PRICKLE2: variants seen among roughly 807,000 people sequenced by gnomAD.
The protein encoded by PRICKLE2 is prickle-like protein 2.
Under a neutral mutation model 81.4 loss-of-function variants are expected in PRICKLE2, and 21 were observed. That is an observed-to-expected ratio of 0.26 (90% CI 0.18 to 0.37). The LOEUF (loss-of-function observed/expected upper bound fraction) is 0.37. Ranked by LOEUF, PRICKLE2 falls within the 10% of genes least tolerant of loss-of-function variation. The probability of loss-of-function intolerance (pLI) is 1.00; values close to 1 mark genes in which losing one functional copy is unlikely to be tolerated. For synonymous variants in PRICKLE2, 456 were observed against 421.5 expected (o/e 1.08, Z -1.00); for missense variants, 940 against 1,109.0 (o/e 0.85, Z 2.16).
chr3:64,094,345 T>C lies in PRICKLE2; in HGVS notation c.*4706A>G, dbSNP rs1000218064. The C allele has an allele frequency of 2.6e-5, 4 of 152,176 alleles. No homozygotes were observed. Among genetic ancestry groups the C allele is most frequent in the African/African-American group, 9.7e-5 (4 of 41,446 alleles). 9.4% of individuals were successfully genotyped at this position (152,176 alleles called of 1,614,324 possible). On this transcript the variant is annotated 3_prime_UTR_variant, in exon 8 of 8. Coordinates refer to ENST00000638394, the MANE Select transcript of PRICKLE2 (RefSeq NM_198859.4). ...GGTAAGTAACTCTCTCTGAAAAATT[T>C]AGAAAAGCTTGGTCAGTGACCTGTT...
At chr3:64,156,942 C>G (rs749547206) in intron 5 of PRICKLE2, among the ~76,000 whole-genome samples, 5 of 152,180 alleles carry the variant, frequency 3.3e-5, no homozygotes, top group Non-Finnish European at 7.3e-5. Flanking sequence ...AACTGCCTTC[C>G]CAACAGGAAG....
At chr3:64,191,294 G>A (rs1284532254) in intron 2 of PRICKLE2, among the ~76,000 whole-genome samples, 2 of 152,196 alleles carry the variant, frequency 1.3e-5, no homozygotes, top group Non-Finnish European at 2.9e-5. Context: ...CAGGGCAATA[G>A]TAATTAGTTA....
At chr3:64,178,189 C>A (rs185531621) in intron 2 of PRICKLE2, among the ~76,000 whole-genome samples, 1 of 152,104 alleles carries the variant, frequency 6.6e-6, no homozygotes. Flanking sequence ...ATCAGCCGAC[C>A]GTATATTGTC....
chr3:64,153,378 G>T lies in PRICKLE2; in HGVS notation c.601-10C>A, dbSNP rs756949758. ...CATCTGCAAAGATGATCTGGAGATG[G>T]GGAAGCCAAATGGTCAGTGTGTAAA... On this transcript the variant is annotated splice_polypyrimidine_tract_variant and intron_variant, in intron 5 of 7. Coordinates refer to ENST00000638394, the MANE Select transcript of PRICKLE2 (RefSeq NM_198859.4). 36 of 1,613,600 alleles carry T rather than the reference G, an allele frequency of 2.2e-5. No individual in the cohort carries two copies. The highest frequency in any genetic ancestry group is 3.1e-5 in the Non-Finnish European group (36 of 1,179,996).
intron 7 of PRICKLE2, among the ~76,000 whole-genome samples, chr3:64,145,096 A>C (rs2077424000): frequency 8.2e-6 from 1 of 121,556 alleles, no homozygotes; most frequent in African/African-American, 3.3e-5. Flanking sequence ...AATAATATTA[A>C]ATTTTTTTTT....
At chr3:64,229,923 C>T (rs951227761), upstream of PRICKLE2, among the ~76,000 whole-genome samples, 5 of 152,178 alleles carry the variant, frequency 3.3e-5, no homozygotes, top group African/African-American at 1.2e-4. Flanking sequence ...TGGCTTAACA[C>T]AAGAAAGTTT....
At chr3:64,118,605 C>T (rs2076976944) in intron 7 of PRICKLE2, among the ~76,000 whole-genome samples, 1 of 152,154 alleles carries the variant, frequency 6.6e-6, no homozygotes, top group Non-Finnish European at 1.5e-5. Context: ...AACTCAACAT[C>T]ACTGATAATT....
chr3:64,227,445 T>A (rs1172026858), upstream of PRICKLE2, among the ~76,000 whole-genome samples: 5 of 152,152 alleles, frequency 3.3e-5, no homozygotes, highest in African/African-American at 1.2e-4. Flanking sequence ...TCTCATCTAC[T>A]CATGATCAGC....
intron 2 of PRICKLE2, among the ~76,000 whole-genome samples, chr3:64,198,460 A>G (rs696015): frequency 0.92 from 139,424 of 151,974 alleles, 64,160 homozygotes; most frequent in South Asian, 0.97. Flanking sequence ...TGGGGCTGGT[A>G]GAGGAGAAAA....
intron 2 of PRICKLE2, among the ~76,000 whole-genome samples, chr3:64,187,191 T>C (rs1423088497): frequency 2.6e-5 from 4 of 152,248 alleles, no homozygotes; most frequent in Non-Finnish European, 5.9e-5. Context: ...ACCCAGGTTC[T>C]AGTCCCAACT....
chr3:64,234,505 CA>C (rs2079152855), intron 2 of PRICKLE2, among the ~76,000 whole-genome samples: 2 of 152,088 alleles, frequency 1.3e-5, no homozygotes, highest in African/African-American at 4.8e-5. Flanking sequence ...TAAAATTGGG[CA>C]CACGTGTTAA....
At chr3:64,258,853 G>GAAAGAAAGAAAGAAAGAAAGAA (rs1559608429) in intron 2 of PRICKLE2, among the ~76,000 whole-genome samples, 3 of 120,438 alleles carry the variant, frequency 2.5e-5, no homozygotes, top group African/African-American at 1.0e-4. Context: ...AAAAAAGAAA[G>GAAAGAAAGAAAGAAAGAAAGAA]AAAGAAAGAA....
intron 7 of PRICKLE2, among the ~76,000 whole-genome samples, chr3:64,135,442 T>C (rs997120828): frequency 6.6e-6 from 1 of 152,148 alleles, no homozygotes; most frequent in South Asian, 2.1e-4. Context: ...CTGCCTTAGC[T>C]AAATGGATGG....
At chr3:64,201,937 C>T (rs1341765215) in intron 1 of PRICKLE2, among the ~76,000 whole-genome samples, 1 of 152,104 alleles carries the variant, frequency 6.6e-6, no homozygotes, top group African/African-American at 2.4e-5. Flanking sequence ...TAGGAGTCCA[C>T]CTTCATTCTC....
At chr3:64,262,529 T>C (rs1009723806) in intron 2 of PRICKLE2, among the ~76,000 whole-genome samples, 2 of 151,434 alleles carry the variant, frequency 1.3e-5, no homozygotes, top group African/African-American at 4.9e-5. Context: ...AAGAGTCCAG[T>C]GTAACAAGAA....
At chr3:64,120,037 A>C (rs2077000790) in intron 7 of PRICKLE2, among the ~76,000 whole-genome samples, 1 of 152,206 alleles carries the variant, frequency 6.6e-6, no homozygotes, top group South Asian at 2.1e-4. Context: ...GATGGCAACA[A>C]GAGACATGGG....
chr3:64,115,801 T>G lies in PRICKLE2; in HGVS notation c.1661-15876A>C, dbSNP rs1454459641. On this transcript the variant is annotated intron_variant, in intron 7 of 7. Transcript: ENST00000638394. Reference sequence around the variant, plus strand: ...ATTAGACAGATCATCAAGAAAAAATTAACAAAGATGTTCAGGACCTGAACT... The same window carrying G: ...ATTAGACAGATCATCAAGAAAAAATGAACAAAGATGTTCAGGACCTGAACT... Among the ~76,000 whole-genome samples, 3 of 151,976 alleles carry G rather than the reference T, an allele frequency of 2.0e-5. No individual in the cohort carries two copies. In the South Asian group the frequency reaches 6.2e-4, roughly 32 times the overall value.
At chr3:64,232,958 A>G (rs2079127301) in intron 2 of PRICKLE2, among the ~76,000 whole-genome samples, 1 of 152,178 alleles carries the variant, frequency 6.6e-6, no homozygotes, top group African/African-American at 2.4e-5. Context: ...TTTTGCAAAT[A>G]CTTTTATTGG....
intron 2 of PRICKLE2, among the ~76,000 whole-genome samples, chr3:64,258,610 G>T (rs967519581): frequency 3.3e-5 from 5 of 151,788 alleles, no homozygotes; most frequent in Non-Finnish European, 7.4e-5. Context: ...CATGAGGTCA[G>T]GAGATCGAGA....
Sources: allele counts gnomAD v4.1 joint callset (sites outside exome capture counted in the v4.1 genomes callset), GRCh38; gene constraint gnomAD v4.1.1; transcripts MANE v1.5; gene names NCBI Gene and HGNC (gene_info 2026-07-23, HGNC 2026-07-21).